FHIT: variants seen among roughly 807,000 people sequenced by gnomAD.
FHIT encodes the protein bis(5'-adenosyl)-triphosphatase.
FHIT carries 19 observed loss-of-function variants against 17.9 expected under a neutral mutation model. The ratio of observed to expected loss-of-function variants is 1.06; its 90% CI spans 0.74 to 1.56. The LOEUF is 1.56. Among genes scored for constraint, FHIT ranks in the 40% most tolerant of loss-of-function variants. The probability of loss-of-function intolerance (pLI) is 0.00; values close to 1 mark genes in which losing one functional copy is unlikely to be tolerated. For synonymous variants in FHIT, 81 were observed against 69.7 expected (o/e 1.16, Z -0.81); for missense variants, 248 against 189.2 (o/e 1.31, Z -1.82).
rs1004826712 is a variant in FHIT, at chr3:60,081,530, G to A, written c.104-67378C>T. 2.6e-5 allele frequency among the ~76,000 whole-genome samples: 4 copies of A among 152,052 alleles called. No individual in the cohort carries two copies. In the South Asian group the frequency reaches 6.2e-4, roughly 24 times the overall value. On this transcript the variant is annotated intron_variant, in intron 5 of 9. Transcript: ENST00000492590. ...ATAAGGTTCTGTTCAAGGAACTATTGGCTAATCATTCATATCCTGATTGAG... is the reference window on the plus strand; with the variant it reads ...ATAAGGTTCTGTTCAAGGAACTATTAGCTAATCATTCATATCCTGATTGAG...
In FHIT at chr3:60,430,433, C is replaced by T. The variant is rs904867256; in HGVS notation, c.103+106427G>A. Among the ~76,000 whole-genome samples, 21 of 152,072 alleles carry T rather than the reference C, an allele frequency of 1.4e-4. 1 individual carries two copies. The highest frequency in any genetic ancestry group is 3.4e-3 in the Middle Eastern group (1 of 294). On this transcript the variant is annotated intron_variant, in intron 5 of 9. Transcript: ENST00000492590. Reference sequence around the variant, plus strand: ...TAAATATAGTACCTTTATGAGGTGTCTTACTTCTGAGCCAACTTGATTCTT... The same window carrying T: ...TAAATATAGTACCTTTATGAGGTGTTTTACTTCTGAGCCAACTTGATTCTT...
chr3:60,640,215 T>C (rs782401608), intron 4 of FHIT, among the ~76,000 whole-genome samples: 3 of 152,206 alleles, frequency 2.0e-5, no homozygotes, highest in African/African-American at 7.2e-5. Flanking sequence ...GGTGGACTCA[T>C]GGGTGTATCC....
chr3:60,367,280 G>A (rs1033468855), intron 5 of FHIT, among the ~76,000 whole-genome samples: 1 of 152,124 alleles, frequency 6.6e-6, no homozygotes, highest in Non-Finnish European at 1.5e-5. Flanking sequence ...TTATCCCAGG[G>A]TCTATTTCTC....
At chr3:60,116,997 T>C (rs1704993789) in intron 5 of FHIT, among the ~76,000 whole-genome samples, 1 of 152,212 alleles carries the variant, frequency 6.6e-6, no homozygotes, top group African/African-American at 2.4e-5. Context: ...GAAATAATTG[T>C]TATTAAATAC....
intron 4 of FHIT, among the ~76,000 whole-genome samples, chr3:60,649,269 G>A (rs900540478): frequency 1.3e-5 from 2 of 152,140 alleles, no homozygotes; most frequent in Middle Eastern, 3.4e-3. Context: ...GCGTGGTGGC[G>A]GGCACCTGTA....
intron 2 of FHIT, among the ~76,000 whole-genome samples, chr3:61,104,914 T>C (rs1321962966): frequency 6.6e-6 from 1 of 152,208 alleles, no homozygotes; most frequent in East Asian, 1.9e-4. Flanking sequence ...TTCAGCTCTA[T>C]GAGGTCAATT....
At chr3:60,366,667 T>A (rs1700118599) in intron 5 of FHIT, among the ~76,000 whole-genome samples, 1 of 152,186 alleles carries the variant, frequency 6.6e-6, no homozygotes, top group African/African-American at 2.4e-5. Context: ...CCTTCTGCCG[T>A]CCGCTCCCCT....
intron 3 of FHIT, among the ~76,000 whole-genome samples, chr3:60,899,853 A>T (rs1228686039): frequency 6.6e-6 from 1 of 152,144 alleles, no homozygotes; most frequent in East Asian, 1.9e-4. Flanking sequence ...AAGAAACAGG[A>T]TGGTAGGGGC....
Position 61,044,867 on chromosome 3 carries a change from A to C in FHIT, c.-163-2768T>G, listed in dbSNP as rs374495779. ...AAAAGAATTTTCAACCCAGAATTTC[A>C]TAACTAGCCAAACTAATCTTCACAA... On this transcript the variant is annotated intron_variant, in intron 2 of 9. Coordinates refer to ENST00000492590, the MANE Select transcript of FHIT (RefSeq NM_002012.4). Among the ~76,000 whole-genome samples the C allele has an allele frequency of 2.7e-4, 41 of 152,350 alleles. No individual in the cohort carries two copies. In the East Asian group the frequency reaches 2.9e-3, roughly 11 times the overall value.
In FHIT at chr3:60,298,967, T is replaced by C. The variant is rs74456506; in HGVS notation, c.103+237893A>G. ...CCTTTCTCACAGAGTAATAAAGTAA[T>C]CTTCCTTTGAATGTAGCAATCCATA... is the stretch of plus-strand genomic sequence containing the variant. On this transcript the variant is annotated intron_variant, in intron 5 of 9. Transcript: ENST00000492590. Among the ~76,000 whole-genome samples the C allele has an allele frequency of 8.4e-3, 1,274 of 152,216 alleles. 20 individuals carry two copies. Among genetic ancestry groups the C allele is most frequent in the African/African-American group, 0.029 (1,185 of 41,532 alleles).
intron 2 of FHIT, among the ~76,000 whole-genome samples, chr3:61,128,804 T>C (rs1333797093): frequency 1.3e-5 from 2 of 152,064 alleles, no homozygotes; most frequent in South Asian, 2.1e-4. Flanking sequence ...TCAATGTTCA[T>C]TCTGGAAGAT....
intron 5 of FHIT, among the ~76,000 whole-genome samples, chr3:60,188,888 A>C (rs915876610): frequency 6.6e-6 from 1 of 152,104 alleles, no homozygotes; most frequent in Non-Finnish European, 1.5e-5. Flanking sequence ...TTTTAGCCGC[A>C]GGGCACCCCA....
rs1017262833 is a variant in FHIT, at chr3:61,160,255, T to C, written c.-164+40362A>G. Among the ~76,000 whole-genome samples, 10 of 151,064 alleles carry C rather than the reference T, an allele frequency of 6.6e-5. No homozygotes were observed. The East Asian group carries it at 2.0e-3, about 30-fold the overall frequency. On this transcript the variant is annotated intron_variant, in intron 2 of 9. Transcript: ENST00000492590. ...CTCAGATATCTGCACTTTTTACAAG[T>C]GCCTCATGTGATTCTGAGGCAATGG...
chr3:61,165,531 T>C (rs1366995551), intron 2 of FHIT: 1 of 152,236 alleles, frequency 6.6e-6, no homozygotes, highest in Non-Finnish European at 1.5e-5. Flanking sequence ...TGTCTATAAA[T>C]TGCCTAGAAA....
chr3:60,537,019 A>C (rs894078671), intron 4 of FHIT, 40 bp from the exon 5 acceptor site: 2 of 1,555,720 alleles, frequency 1.3e-6, no homozygotes, highest in African/African-American at 2.8e-5. Flanking sequence ...AATTCAATTA[A>C]GAAACTCAGT....
At chr3:60,016,430 T>G (rs532189086) in intron 5 of FHIT, among the ~76,000 whole-genome samples, 1 of 152,132 alleles carries the variant, frequency 6.6e-6, no homozygotes, top group African/African-American at 2.4e-5. Flanking sequence ...ACTTTAAAAA[T>G]TGGGGAGTGA....
At chr3:60,928,098 G>T (rs1707747777) in intron 3 of FHIT, among the ~76,000 whole-genome samples, 1 of 152,136 alleles carries the variant, frequency 6.6e-6, no homozygotes, top group African/African-American at 2.4e-5. Flanking sequence ...TTAAACAGAT[G>T]CTTGAAGGCA....
intron 2 of FHIT, among the ~76,000 whole-genome samples, chr3:61,151,395 A>G (rs550358565): frequency 7.2e-5 from 11 of 152,230 alleles, no homozygotes; most frequent in African/African-American, 2.2e-4. Context: ...TCAAAACTGC[A>G]TTATTTATCT....
chr3:60,015,774 G>A (rs918534107), intron 5 of FHIT, among the ~76,000 whole-genome samples: 1 of 152,170 alleles, frequency 6.6e-6, no homozygotes, highest in South Asian at 2.1e-4. Flanking sequence ...ATGGCTTACT[G>A]TGAAAACTGG....
Sources: gnomAD v4.1 joint callset for allele counts (sites outside exome capture counted in the v4.1 genomes callset) on GRCh38, gnomAD v4.1.1 for gene constraint, MANE v1.5 for transcripts, NCBI Gene and HGNC (gene_info 2026-07-23, HGNC 2026-07-21) for gene names.